MREG: variants seen among roughly 807,000 people sequenced by gnomAD.
MREG encodes the protein melanoregulin, also known as dilute suppressor protein homolog.
MREG carries 31 observed loss-of-function variants against 28.5 expected under a neutral mutation model. That is an observed-to-expected ratio of 1.09 (90% CI 0.82 to 1.47). The LOEUF is 1.47. Among genes scored for constraint, MREG ranks in the 40% most tolerant of loss-of-function variants. The pLI, the probability that MREG is intolerant of heterozygous loss-of-function variation, is 0.00. For synonymous variants in MREG, 106 were observed against 95.2 expected, an observed-to-expected ratio of 1.11 and a Z score of -0.66; for missense variants, 256 against 257.4, an observed-to-expected ratio of 0.99 and a Z score of 0.04.
chr2:215,978,964 T>C (rs1402530879), intron 2 of MREG, among the ~76,000 whole-genome samples: 1 of 152,222 alleles, frequency 6.6e-6, no homozygotes, highest in African/African-American at 2.4e-5. Flanking sequence ...AGACACATCA[T>C]TTTGAATAAA....
In MREG at chr2:215,969,206, C is replaced by A. The variant is rs553601974; in HGVS notation, c.256-22093G>T. ...GCTGCCTAAGATGGAGAAATCTAGG[C>A]TTCTACCCCTATGTCATTCACCCAG... On this transcript the variant is annotated intron_variant, in intron 2 of 4. Transcript: ENST00000263268. Among the ~76,000 whole-genome samples the A allele has an allele frequency of 3.3e-5, 5 of 152,302 alleles. No homozygotes were observed. The East Asian group carries it at 9.6e-4, about 29-fold the overall frequency.
upstream of MREG, among the ~76,000 whole-genome samples, chr2:216,014,927 G>A (rs1378458177): frequency 3.9e-5 from 6 of 152,102 alleles, no homozygotes; most frequent in African/African-American, 1.4e-4. Flanking sequence ...TATGTGCTGG[G>A]TATTTTCTAA....
At chr2:215,990,328 G>T (rs1180301921) in intron 2 of MREG, among the ~76,000 whole-genome samples, 1 of 152,104 alleles carries the variant, frequency 6.6e-6, no homozygotes, top group East Asian at 1.9e-4. Context: ...ATACAACCCT[G>T]TACAGACAAG....
chr2:216,030,292 G>A lies in MREG; in HGVS notation c.-68+2497C>T, dbSNP rs949317605. ...CCTTGGTGCTGGTCTGTCTCTCTCA[G>A]TACAGGGCAGGGGTCGGGGCTCTGA... On this transcript the variant is annotated intron_variant, in intron 1 of 3. Coordinates refer to the MREG transcript ENST00000420348. 2.0e-5 allele frequency among the ~76,000 whole-genome samples: 3 copies of A among 152,102 alleles called. No individual in the cohort carries two copies. The South Asian group carries it at 6.2e-4, about 32-fold the overall frequency.
chr2:215,955,942 A>G (rs1265728557), intron 2 of MREG, among the ~76,000 whole-genome samples: 1 of 152,224 alleles, frequency 6.6e-6, no homozygotes, highest in Non-Finnish European at 1.5e-5. Context: ...AAAGGTCTCC[A>G]GTAATGCACC....
At position 215,957,434 on chromosome 2, in the gene MREG, C is replaced by T. The variant is rs75184257; in HGVS notation, c.256-10321G>A. 7.2e-3 allele frequency among the ~76,000 whole-genome samples: 1,097 copies of T among 152,242 alleles called. 2 individuals are homozygous for T. Among genetic ancestry groups the T allele is most frequent in the Non-Finnish European group, 0.013 (871 of 68,022 alleles). On this transcript the variant is annotated intron_variant, in intron 2 of 4. Transcript: ENST00000263268. ...TCCTACTTTTCCCATCCCTCCCTCC[C>T]CCACACTCTCCTCTCCACTTTGTCC... is the stretch of plus-strand genomic sequence containing the variant.
At chr2:216,031,674 AG>A (rs780242106) in intron 1 of MREG, among the ~76,000 whole-genome samples, 2,025 of 50,752 alleles carry the variant, frequency 0.04, 32 homozygotes, top group Middle Eastern at 0.068. Context: ...AAAGAAAGAA[AG>A]AAAGAAAGAA....
At position 215,994,617 on chromosome 2, in the gene MREG, GA is replaced by G. The variant is rs1400102766; in HGVS notation, c.255+1688del. ...AGAAGAAGGAGAAGAAGAGGAAGAA[GA>G]AGAGAAGAAGGAGGGGGAGGAGGAG... is the stretch of plus-strand genomic sequence containing the variant. On this transcript the variant is annotated intron_variant, in intron 2 of 4. Coordinates refer to ENST00000263268, the MANE Select transcript of MREG (RefSeq NM_018000.3). 3.4e-3 allele frequency among the ~76,000 whole-genome samples: 153 copies of G among 45,236 alleles called. 1 individual carries two copies. The highest frequency in any genetic ancestry group is 8.9e-3 in the Non-Finnish European group (101 of 11,390). 29.7% of individuals were successfully genotyped at this position (45,236 alleles called of 152,430 possible). A position where few individuals can be genotyped will look rare whatever the true frequency, so the allele number is the denominator to read the frequency against.
At chr2:215,961,584 C>G (rs1232522811) in intron 2 of MREG, among the ~76,000 whole-genome samples, 1 of 152,132 alleles carries the variant, frequency 6.6e-6, no homozygotes, top group Admixed American at 6.5e-5. Flanking sequence ...CACCACCATG[C>G]CCGTCTAATT....
At position 215,994,377 on chromosome 2, in the gene MREG, A is replaced by G. The variant is rs575396778; in HGVS notation, c.255+1929T>C. On this transcript the variant is annotated intron_variant, in intron 2 of 4. Coordinates refer to ENST00000263268, the MANE Select transcript of MREG (RefSeq NM_018000.3). ...AGCTGAAAAATGAGAACACAGGGACACGGGGAGGGGAACGTCACACACTTG... is the reference window on the plus strand; with the variant it reads ...AGCTGAAAAATGAGAACACAGGGACGCGGGGAGGGGAACGTCACACACTTG... Among the ~76,000 whole-genome samples the G allele has an allele frequency of 6.1e-4, 93 of 151,574 alleles. 2 individuals are homozygous for G. Among genetic ancestry groups the G allele is most frequent in the Admixed American group, 1.4e-3 (22 of 15,266 alleles).
At chr2:215,990,346 T>C (rs1693689888) in intron 2 of MREG, among the ~76,000 whole-genome samples, 2 of 152,130 alleles carry the variant, frequency 1.3e-5, no homozygotes, top group South Asian at 4.2e-4. Context: ...AAGCAAATAC[T>C]GAGAGATTTT....
intron 2 of MREG, among the ~76,000 whole-genome samples, chr2:215,982,375 C>T (rs567313988): frequency 2.2e-4 from 34 of 151,708 alleles, no homozygotes; most frequent in Non-Finnish European, 4.3e-4. Flanking sequence ...CATTGATTCT[C>T]TTAATGCTAA....
At chr2:215,949,063 C>CTAATAATAA in intron 2 of MREG, among the ~76,000 whole-genome samples, 1 of 139,180 alleles carries the variant, frequency 7.2e-6, no homozygotes, top group South Asian at 2.4e-4. Context: ...ACTACTACTA[C>CTAATAATAA]TACTACTACT....
At chr2:215,981,466 GAGAA>G (rs959404090) in intron 2 of MREG, among the ~76,000 whole-genome samples, 24 of 152,294 alleles carry the variant, frequency 1.6e-4, no homozygotes, top group Admixed American at 6.5e-4. Flanking sequence ...CAAATTCATA[GAGAA>G]AGAAAGTAGA....
At chr2:216,004,129 G>T (rs1694091413) in intron 1 of MREG, among the ~76,000 whole-genome samples, 1 of 152,110 alleles carries the variant, frequency 6.6e-6, no homozygotes. Flanking sequence ...CCTTGCACTG[G>T]CTGATCTCCA....
At chr2:215,993,147 C>G (rs1236115397) in intron 2 of MREG, among the ~76,000 whole-genome samples, 1 of 152,026 alleles carries the variant, frequency 6.6e-6, no homozygotes, top group African/African-American at 2.4e-5. Flanking sequence ...AGACATCATG[C>G]TATGCTACCT....
chr2:215,945,877 C>T, intron 3 of MREG, 143 bp from the exon 4 acceptor site: 1 of 618,544 alleles, frequency 1.6e-6, no homozygotes, highest in Non-Finnish European at 2.7e-6. Flanking sequence ...GCCAAAGGTA[C>T]TATTCCATGT....
intron 2 of MREG, among the ~76,000 whole-genome samples, chr2:215,994,832 T>C (rs540453918): frequency 1.4e-4 from 22 of 152,050 alleles, no homozygotes; most frequent in Admixed American, 2.6e-4. Context: ...CAAATTCAGC[T>C]CCAGATACTT....
intron 1 of MREG, among the ~76,000 whole-genome samples, chr2:216,004,314 G>A (rs1300718052): frequency 6.6e-6 from 1 of 152,052 alleles, no homozygotes; most frequent in Non-Finnish European, 1.5e-5. Flanking sequence ...TTATCTCCTA[G>A]TTTACTTATT....
Sources: gnomAD v4.1 joint callset for allele counts (sites outside exome capture counted in the v4.1 genomes callset) on GRCh38, gnomAD v4.1.1 for gene constraint, MANE v1.5 for transcripts, NCBI Gene and HGNC (gene_info 2026-07-23, HGNC 2026-07-21) for gene names.